Variants in NPAS3 observed in about 807,000 individuals in gnomAD.
The protein encoded by NPAS3 is neuronal PAS domain protein 3.
NPAS3 carries 14 observed loss-of-function variants against 73.1 expected under a neutral mutation model. The observed-to-expected ratio is 0.19, with a 90% CI of 0.13 to 0.30. NPAS3 has a LOEUF of 0.30. NPAS3 is among the 10% of genes least tolerant of loss of function. The pLI, the probability that NPAS3 is intolerant of heterozygous loss-of-function variation, is 1.00. For missense variants in NPAS3, 1,096 were observed against 1,250.0 expected (o/e 0.88, Z 1.86); for synonymous variants, 620 against 541.5 (o/e 1.14, Z -2.01).
At chr14:33,032,475 A>C (rs1268126851) in intron 1 of NPAS3, among the ~76,000 whole-genome samples, 2 of 152,150 alleles carry the variant, frequency 1.3e-5, no homozygotes, top group Non-Finnish European at 2.9e-5. Context: ...AGAACACCAC[A>C]GCACATGTGA....
intron 4 of NPAS3, among the ~76,000 whole-genome samples, chr14:33,381,391 TTTTTTAACTAGGAATTGGA>T (rs1188773985): frequency 2.0e-5 from 3 of 152,240 alleles, no homozygotes; most frequent in African/African-American, 7.2e-5. Flanking sequence ...AGCTGTATTA[TTTTTTAACTAGGAATTGGA>T]TTGCTGTGGA....
chr14:33,068,906 G>A (rs866710931), intron 2 of NPAS3, among the ~76,000 whole-genome samples: 3 of 152,268 alleles, frequency 2.0e-5, no homozygotes, highest in South Asian at 2.1e-4. Flanking sequence ...GAGGACAGTG[G>A]CAGGAGACAG....
At chr14:33,510,955 T>G (rs1484858722) in intron 4 of NPAS3, among the ~76,000 whole-genome samples, 1 of 152,128 alleles carries the variant, frequency 6.6e-6, no homozygotes, top group African/African-American at 2.4e-5. Context: ...TAATGAGCTT[T>G]CAGCTCTTAC....
intron 3 of NPAS3, among the ~76,000 whole-genome samples, chr14:33,250,873 A>G (rs531767366): frequency 6.6e-6 from 1 of 152,236 alleles, no homozygotes; most frequent in East Asian, 1.9e-4. Flanking sequence ...CATGGATAAT[A>G]TCTTTTATAA....
At chr14:32,939,331 G>A in exon 1 of NPAS3, 1 of 683,586 alleles carries the variant, frequency 1.5e-6, no homozygotes, top group Non-Finnish European at 2.6e-6. Context: ...CGCCCACCAA[G>A]CCCAGCTTTC....
intron 5 of NPAS3, among the ~76,000 whole-genome samples, chr14:33,643,813 A>G (rs931936290): frequency 1.3e-5 from 2 of 152,196 alleles, no homozygotes; most frequent in Admixed American, 1.3e-4. Flanking sequence ...CTGTCTGTAG[A>G]ATTTTTCAAG....
intron 4 of NPAS3, among the ~76,000 whole-genome samples, chr14:33,460,730 T>A (rs542028173): frequency 6.6e-6 from 1 of 151,948 alleles, no homozygotes; most frequent in Non-Finnish European, 1.5e-5. Flanking sequence ...CGTCGTTTTG[T>A]TTTTTTACCT....
At chr14:33,434,620 T>A (rs1205092210) in intron 4 of NPAS3, among the ~76,000 whole-genome samples, 1 of 152,222 alleles carries the variant, frequency 6.6e-6, no homozygotes, top group African/African-American at 2.4e-5. Flanking sequence ...GTTCTGTCTT[T>A]GTTATTCACC....
Position 33,449,668 on chromosome 14 carries a change from T to A in NPAS3, c.468+82400T>A, listed in dbSNP as rs150223126. ...ACACACACAGAGAAGAAACTGAGAATTTAAATGGCTAAAAAATGCAATCTG... is the reference window on the plus strand; with the variant it reads ...ACACACACAGAGAAGAAACTGAGAAATTAAATGGCTAAAAAATGCAATCTG... On this transcript the variant is annotated intron_variant, in intron 4 of 11. Coordinates refer to ENST00000356141, the Ensembl canonical transcript of NPAS3. Among the ~76,000 whole-genome samples, 9 of 152,034 alleles carry A rather than the reference T, an allele frequency of 5.9e-5. No homozygotes were observed. In the East Asian group the frequency reaches 1.5e-3, roughly 26 times the overall value.
intron 5 of NPAS3, among the ~76,000 whole-genome samples, chr14:33,655,887 C>T (rs1185453489): frequency 6.6e-6 from 1 of 152,092 alleles, no homozygotes; most frequent in Non-Finnish European, 1.5e-5. Context: ...ATCAAGTTTT[C>T]TATCTATTTG....
At chr14:33,415,773 G>T (rs755023977) in intron 4 of NPAS3, among the ~76,000 whole-genome samples, 3 of 151,958 alleles carry the variant, frequency 2.0e-5, no homozygotes, top group Admixed American at 6.6e-5. Context: ...TTCTATTCAG[G>T]CAATTCATTT....
At chr14:32,972,814 G>C (rs879514149) in intron 1 of NPAS3, among the ~76,000 whole-genome samples, 1 of 152,168 alleles carries the variant, frequency 6.6e-6, no homozygotes, top group Non-Finnish European at 1.5e-5. Flanking sequence ...AGAAGTGATA[G>C]AAGGATTGGA....
intron 3 of NPAS3, among the ~76,000 whole-genome samples, chr14:33,288,892 G>A (rs1036797701): frequency 3.3e-5 from 5 of 152,122 alleles, no homozygotes; most frequent in South Asian, 2.1e-4. Flanking sequence ...ATGAACCAAC[G>A]TTGGGGAGTG....
At chr14:33,020,237 A>T (rs1211209812) in intron 1 of NPAS3, among the ~76,000 whole-genome samples, 1 of 152,196 alleles carries the variant, frequency 6.6e-6, no homozygotes, top group African/African-American at 2.4e-5. Flanking sequence ...TTACAACCAG[A>T]TAGTGTATTT....
intron 5 of NPAS3, among the ~76,000 whole-genome samples, chr14:33,651,093 C>T (rs973024369): frequency 6.6e-6 from 1 of 152,248 alleles, no homozygotes; most frequent in African/African-American, 2.4e-5. Context: ...AGGTCAACAA[C>T]CATCTCTCTG....
intron 5 of NPAS3, among the ~76,000 whole-genome samples, chr14:33,670,931 T>TAATA (rs2059594343): frequency 6.6e-6 from 1 of 151,960 alleles, no homozygotes; most frequent in Non-Finnish European, 1.5e-5. Flanking sequence ...AAGTATTTTT[T>TAATA]AATATCAGCC....
At chr14:33,523,032 C>G (rs531252609) in intron 4 of NPAS3, among the ~76,000 whole-genome samples, 121 of 152,108 alleles carry the variant, frequency 8.0e-4, no homozygotes, top group Non-Finnish European at 1.5e-3. Flanking sequence ...TGAATTACAC[C>G]CATAGTCTGA....
rs183143498 is a variant in NPAS3 at position 33,626,713 on chromosome 14, G to T, written c.559-49498G>T. Among the ~76,000 whole-genome samples, 35 of 152,314 alleles carry T rather than the reference G, an allele frequency of 2.3e-4. No individual in the cohort carries two copies. The East Asian group carries it at 6.6e-3, about 29-fold the overall frequency. On this transcript the variant is annotated intron_variant, in intron 5 of 11. Transcript: ENST00000356141. Reference sequence around the variant, plus strand: ...GGGCCACACCAGTGAAAAAAGCAAAGCTTCCTGCCTGTATGGAGTTTATAT... The same window carrying T: ...GGGCCACACCAGTGAAAAAAGCAAATCTTCCTGCCTGTATGGAGTTTATAT...
At chr14:33,305,769 A>T (rs2140169567) in intron 3 of NPAS3, among the ~76,000 whole-genome samples, 1 of 152,252 alleles carries the variant, frequency 6.6e-6, no homozygotes, top group Admixed American at 6.5e-5. Context: ...TGCACCAGTG[A>T]GTTATATTAT....
Sources: allele counts gnomAD v4.1 joint callset (sites outside exome capture counted in the v4.1 genomes callset), GRCh38; gene constraint gnomAD v4.1.1; transcripts MANE v1.5; gene names NCBI Gene and HGNC (gene_info 2026-07-23, HGNC 2026-07-21).